The following ZNF184 variants were observed in gnomAD, a reference collection of about 807,000 sequenced individuals.
The protein encoded by ZNF184 is zinc finger protein 184 (Kruppel-like).
ZNF184 carries 16 observed loss-of-function variants against 54.4 expected under a neutral mutation model. The observed-to-expected ratio is 0.29, with a 90% CI of 0.20 to 0.45. The LOEUF (loss-of-function observed/expected upper bound fraction) is 0.45, where lower values mean the gene tolerates loss of function less well. Ranked by LOEUF, ZNF184 falls within the 20% of genes least tolerant of loss-of-function variation. ZNF184 has a pLI of 1.00. For missense variants in ZNF184, 681 were observed against 888.2 expected, an observed-to-expected ratio of 0.77 and a Z score of 2.97; for synonymous variants, 254 against 295.3, an observed-to-expected ratio of 0.86 and a Z score of 1.43.
At chr6:27,417,095 C>T in the ZNF184 span, among the ~76,000 whole-genome samples, 2 of 152,110 alleles carry the variant, frequency 1.3e-5, no homozygotes, top group African/African-American at 4.8e-5. Flanking sequence ...GGCATTTAGT[C>T]CATGCCTATC....
In ZNF184 at chr6:27,451,728, C is replaced by A. The variant is rs753693091; in HGVS notation, c.1831G>T (p.Ala611Ser). 6.2e-6 allele frequency: 10 copies of A among 1,613,742 alleles called. No homozygotes were observed. In the African/African-American group the frequency reaches 1.3e-4, roughly 22 times the overall value. ...LTQHKRIHTG[A>S]KPYECAECGK... The stretch of plus-strand genomic sequence containing the variant: ...CACTCAGCACACTCATAAGGCTTGG[C>A]TCCTGTATGAATTCTCTTATGCTGT... Residue 611 changes from alanine (A) to serine (S), a missense_variant, in exon 6 of 6, where the codon GCC (alanine) becomes TCC (serine). Physicochemically the swap from Ala to Ser is moderately conservative, Grantham distance 99 (BLOSUM62 1). Coordinates refer to ENST00000683788, the MANE Select transcript of ZNF184 (RefSeq NM_001318891.2).
intron 3 of ZNF184, among the ~76,000 whole-genome samples, chr6:27,458,316 A>C (rs1479082037): frequency 3.0e-4 from 45 of 150,664 alleles, no homozygotes; most frequent in Admixed American, 1.6e-3. Flanking sequence ...AAAAAAAAAA[A>C]AAAACAATCT....
At chr6:27,426,636 C>T in the ZNF184 span, among the ~76,000 whole-genome samples, 1 of 152,164 alleles carries the variant, frequency 6.6e-6, no homozygotes, top group Non-Finnish European at 1.5e-5. This position sits in a 1 kb window ranked among gnomAD's most constrained non-coding sequence, Gnocchi z 4.2. Context: ...TTAAGCAGGT[C>T]TAGATAAGTC....
At chr6:27,461,033 G>A (rs1762981409) in intron 3 of ZNF184, among the ~76,000 whole-genome samples, 1 of 152,186 alleles carries the variant, frequency 6.6e-6, no homozygotes, top group African/African-American at 2.4e-5. Flanking sequence ...AGTGCACTGG[G>A]ACAAGATGTA....
chr6:27,456,344 C>A (rs1343340487), intron 5 of ZNF184, among the ~76,000 whole-genome samples: 1 of 151,852 alleles, frequency 6.6e-6, no homozygotes, highest in Non-Finnish European at 1.5e-5. Flanking sequence ...TTATGGAATT[C>A]ATTTTTGTTG....
the ZNF184 span, among the ~76,000 whole-genome samples, chr6:27,418,839 G>T: frequency 6.6e-6 from 1 of 152,036 alleles, no homozygotes; most frequent in Non-Finnish European, 1.5e-5. Flanking sequence ...GTATACAAAG[G>T]TGCTAAATTT....
intron 3 of ZNF184, among the ~76,000 whole-genome samples, chr6:27,462,247 G>A (rs1330999179): frequency 6.6e-6 from 1 of 151,896 alleles, no homozygotes; most frequent in African/African-American, 2.4e-5. Context: ...GCGCAGCCTG[G>A]AGTGCAGTGG....
At position 27,451,259 on chromosome 6, in the gene ZNF184, C is replaced by T. The variant is rs2113708648; in HGVS notation, c.*44G>A. ...CTTCAGTACTTAACAAAAGGACAAA[C>T]TAAAGTAAATATCTCCCCTAAATTT... On this transcript the variant is annotated 3_prime_UTR_variant, in exon 6 of 6. Transcript: ENST00000683788. The T allele has an allele frequency of 6.6e-7, 1 of 1,526,360 alleles. No homozygotes were observed. Among genetic ancestry groups the T allele is most frequent in the Non-Finnish European group, 8.8e-7 (1 of 1,139,628 alleles). The allele number at this position is 1,526,360 out of a possible 1,614,324, so 94.6% of individuals were successfully genotyped here. A position where few individuals can be genotyped will look rare whatever the true frequency, so the allele number is the denominator to read the frequency against.
At chr6:27,421,040 G>A in the ZNF184 span, among the ~76,000 whole-genome samples, 2 of 152,154 alleles carry the variant, frequency 1.3e-5, no homozygotes, top group Non-Finnish European at 1.5e-5. Context: ...TCTAGAAAAG[G>A]CAAAAACAGA....
chr6:27,421,633 G>C, the ZNF184 span, among the ~76,000 whole-genome samples: 3 of 152,064 alleles, frequency 2.0e-5, no homozygotes, highest in Non-Finnish European at 2.9e-5. Context: ...TGACATTGGA[G>C]GAATATAACT....
At chr6:27,428,982 CTCT>C in the ZNF184 span, among the ~76,000 whole-genome samples, 3 of 152,204 alleles carry the variant, frequency 2.0e-5, no homozygotes, top group Non-Finnish European at 2.9e-5. The surrounding 1 kb of genome is among the most constrained non-coding windows in gnomAD (Gnocchi z 4.1). Flanking sequence ...CACAAAGGGT[CTCT>C]TCTTCTCAAA....
At chr6:27,421,480 T>A in the ZNF184 span, among the ~76,000 whole-genome samples, 2 of 152,160 alleles carry the variant, frequency 1.3e-5, no homozygotes, top group Admixed American at 6.5e-5. Context: ...CATCAAGGGA[T>A]GACAGCATAA....
the ZNF184 span, among the ~76,000 whole-genome samples, chr6:27,423,453 T>C: frequency 6.6e-6 from 1 of 152,204 alleles, no homozygotes; most frequent in Non-Finnish European, 1.5e-5. Flanking sequence ...TTCTGATTTG[T>C]GGGCTGTGAG....
At chr6:27,415,489 G>T in the ZNF184 span, among the ~76,000 whole-genome samples, 277 of 152,234 alleles carry the variant, frequency 1.8e-3, no homozygotes, top group Middle Eastern at 3.4e-3. Context: ...ATGAGTTTGA[G>T]AATTATTGGT....
At chr6:27,432,336 A>T in the ZNF184 span, among the ~76,000 whole-genome samples, 1 of 152,260 alleles carries the variant, frequency 6.6e-6, no homozygotes, top group Non-Finnish European at 1.5e-5. The surrounding 1 kb of genome is among the most constrained non-coding windows in gnomAD (Gnocchi z 4.0). Context: ...GAAGTAAAGC[A>T]TGATTTTGAA....
the ZNF184 span, among the ~76,000 whole-genome samples, chr6:27,414,787 G>A: frequency 1.3e-4 from 20 of 152,020 alleles, no homozygotes; most frequent in African/African-American, 4.6e-4. Context: ...TGAGACACAA[G>A]TGAGAGTTCC....
intron 3 of ZNF184, among the ~76,000 whole-genome samples, chr6:27,464,267 C>T (rs1023365100): frequency 6.6e-6 from 1 of 152,130 alleles, no homozygotes. Context: ...AAATCTCTTT[C>T]AAAGATAATT....
the ZNF184 span, among the ~76,000 whole-genome samples, chr6:27,442,862 GAA>G: frequency 8.2e-4 from 48 of 58,554 alleles, 4 homozygotes; most frequent in African/African-American, 3.5e-3. Context: ...AAGAAAGAAA[GAA>G]AGAAAGAAAG....
At chr6:27,433,193 A>G in the ZNF184 span, among the ~76,000 whole-genome samples, 14 of 152,158 alleles carry the variant, frequency 9.2e-5, no homozygotes, top group Non-Finnish European at 1.6e-4. Context: ...TTAAGCCACT[A>G]TGTTTTGGGA....
Sources: gnomAD v4.1 joint callset for allele counts (sites outside exome capture counted in the v4.1 genomes callset) on GRCh38, gnomAD v4.1.1 for gene constraint, Gnocchi (gnomAD v3.1) non-coding constraint, MANE v1.5 for transcripts, NCBI Gene and HGNC (gene_info 2026-07-23, HGNC 2026-07-21) for gene names.